Variants in VTI1A observed in about 807,000 individuals in gnomAD.
VTI1A encodes the protein vesicle transport through interaction with t-SNAREs homolog 1A.
A neutral mutation model predicts 34.9 loss-of-function variants in VTI1A; 22 were observed. The ratio of observed to expected loss-of-function variants is 0.63; its 90% CI spans 0.45 to 0.90. The LOEUF (loss-of-function observed/expected upper bound fraction) is 0.90. VTI1A is among the 40% of genes least tolerant of loss of function. VTI1A has a pLI of 0.00. For missense variants in VTI1A, 268 were observed against 275.6 expected (o/e 0.97, Z 0.20); for synonymous variants, 87 against 97.3 (o/e 0.89, Z 0.62).
intron 5 of VTI1A, among the ~76,000 whole-genome samples, chr10:112,637,050 T>C (rs2134648825): frequency 6.6e-6 from 1 of 152,346 alleles, no homozygotes; most frequent in Non-Finnish European, 1.5e-5. Context: ...CAGACAGATA[T>C]ATTTAACTTA....
chr10:112,807,898 C>T (rs1853143929), intron 7 of VTI1A, among the ~76,000 whole-genome samples: 1 of 151,878 alleles, frequency 6.6e-6, no homozygotes, highest in Admixed American at 6.6e-5. Context: ...TAATGAATCA[C>T]ATCCACAAAG....
the VTI1A span, among the ~76,000 whole-genome samples, chr10:112,833,514 G>A: frequency 6.6e-6 from 1 of 152,184 alleles, no homozygotes; most frequent in African/African-American, 2.4e-5. Context: ...GGATAACCTT[G>A]GACAAGTCAC....
chr10:112,604,639 G>A (rs1845005334), intron 5 of VTI1A, among the ~76,000 whole-genome samples: 1 of 152,134 alleles, frequency 6.6e-6, no homozygotes, highest in African/African-American at 2.4e-5. Flanking sequence ...CTTTCTCATG[G>A]AACTGTTTGG....
intron 5 of VTI1A, among the ~76,000 whole-genome samples, chr10:112,557,479 GA>G (rs1369545902): frequency 6.6e-6 from 1 of 152,138 alleles, no homozygotes; most frequent in Non-Finnish European, 1.5e-5. Context: ...CAATCTGAAT[GA>G]AAAATATTGC....
At chr10:112,842,050 C>CTTTTTTTTTTTTTTTTTTTTT in the VTI1A span, among the ~76,000 whole-genome samples, 1 of 93,164 alleles carries the variant, frequency 1.1e-5, no homozygotes, top group African/African-American at 4.8e-5. Context: ...TTTTTTTTTT[C>CTTTTTTTTTTTTTTTTTTTTT]CTTTTTTTTT....
At chr10:112,757,390 A>G (rs1374924628) in intron 7 of VTI1A, among the ~76,000 whole-genome samples, 3 of 80,266 alleles carry the variant, frequency 3.7e-5, no homozygotes, top group East Asian at 8.4e-4. Context: ...TTTTGGAGAC[A>G]TAGGCTTGCT....
chr10:112,818,770 T>C, downstream of VTI1A: 1 of 182,406 alleles, frequency 5.5e-6, no homozygotes. Context: ...TTTTTTTTAT[T>C]ATTATTATTT....
chr10:112,530,595 T>C (rs1356652510), intron 4 of VTI1A, among the ~76,000 whole-genome samples: 1 of 152,170 alleles, frequency 6.6e-6, no homozygotes, highest in Non-Finnish European at 1.5e-5. Context: ...AAATCCTAAA[T>C]AGAAGATTCA....
chr10:112,459,972 T>C (rs558944009), intron 1 of VTI1A, among the ~76,000 whole-genome samples: 27 of 152,342 alleles, frequency 1.8e-4, no homozygotes, highest in African/African-American at 6.5e-4. Flanking sequence ...GAGAAAAATT[T>C]CTTGCCCAGG....
intron 5 of VTI1A, among the ~76,000 whole-genome samples, chr10:112,566,428 A>G (rs1030573397): frequency 1.3e-5 from 2 of 152,218 alleles, no homozygotes; most frequent in African/African-American, 4.8e-5. Flanking sequence ...ATAATCAAAT[A>G]CTTTTGTCAA....
At chr10:112,822,904 G>A (rs1425934186), downstream of VTI1A, among the ~76,000 whole-genome samples, 1 of 152,190 alleles carries the variant, frequency 6.6e-6, no homozygotes, top group Non-Finnish European at 1.5e-5. Context: ...GAAGAAGATA[G>A]ATAAGAAAAG....
downstream of VTI1A, among the ~76,000 whole-genome samples, chr10:112,822,203 G>T (rs945979954): frequency 1.3e-5 from 2 of 152,114 alleles, no homozygotes; most frequent in Non-Finnish European, 2.9e-5. Flanking sequence ...CTCCCTGGAG[G>T]TTGCCCCGTA....
chr10:112,517,485 G>A lies in VTI1A; in HGVS notation c.265-9602G>A, dbSNP rs1849824733. ...GATACTCCGCCCTCAAGGGGGTGGA[G>A]CCTAATTCCCAACTCCTTACCTGTG... On this transcript the variant is annotated intron_variant, in intron 3 of 7. Transcript: ENST00000393077. Among the ~76,000 whole-genome samples the A allele has an allele frequency of 2.0e-5, 3 of 152,044 alleles. No homozygotes were observed. The South Asian group carries it at 6.2e-4, about 31-fold the overall frequency.
intron 7 of VTI1A, among the ~76,000 whole-genome samples, chr10:112,687,463 G>C (rs1374747993): frequency 6.6e-6 from 1 of 151,524 alleles, no homozygotes; most frequent in Non-Finnish European, 1.5e-5. Flanking sequence ...TCGATCTCCT[G>C]ACCTCGTGAT....
intron 3 of VTI1A, among the ~76,000 whole-genome samples, chr10:112,470,793 G>A (rs546852248): frequency 2.6e-5 from 4 of 152,278 alleles, no homozygotes; most frequent in East Asian, 3.9e-4. Flanking sequence ...TTGGGAGGCC[G>A]AGGCCTCCCT....
At chr10:112,811,230 A>G (rs538360025) in intron 7 of VTI1A, among the ~76,000 whole-genome samples, 1 of 152,250 alleles carries the variant, frequency 6.6e-6, no homozygotes, top group Non-Finnish European at 1.5e-5. Flanking sequence ...CCATCCTATA[A>G]CTTGTACTCT....
At chr10:112,547,846 G>A (rs1026896302) in intron 5 of VTI1A, among the ~76,000 whole-genome samples, 1 of 151,834 alleles carries the variant, frequency 6.6e-6, no homozygotes, top group Admixed American at 6.6e-5. Context: ...GTTTGTTTTT[G>A]TTTGTTTGTT....
rs376068610 is a variant in VTI1A, at chr10:112,760,629, G to A, written c.561-54661G>A. On this transcript the variant is annotated intron_variant, in intron 7 of 7. Coordinates refer to ENST00000393077, the MANE Select transcript of VTI1A (RefSeq NM_145206.4). The stretch of plus-strand genomic sequence containing the variant: ...AACCAGTCCAGGCACAGTGGCTCAC[G>A]CCTGCAATCCCAGCATTTTGGGAGG... 1.2e-4 allele frequency among the ~76,000 whole-genome samples: 18 copies of A among 152,122 alleles called. 1 individual carries two copies. Among genetic ancestry groups the A allele is most frequent in the Non-Finnish European group, 7.3e-5 (5 of 68,040 alleles).
At chr10:112,686,137 A>G (rs1848402077) in intron 7 of VTI1A, among the ~76,000 whole-genome samples, 1 of 152,216 alleles carries the variant, frequency 6.6e-6, no homozygotes, top group African/African-American at 2.4e-5. Context: ...CTCCTGAGTT[A>G]CGATACTTAT....
Sources: allele counts gnomAD v4.1 joint callset (sites outside exome capture counted in the v4.1 genomes callset), GRCh38; gene constraint gnomAD v4.1.1; transcripts MANE v1.5; gene names NCBI Gene and HGNC (gene_info 2026-07-23, HGNC 2026-07-21).